The following ACTR3C variants were observed in gnomAD, a reference collection of about 807,000 sequenced individuals.
ACTR3C encodes the protein actin-related protein 3C.
A neutral mutation model predicts 26.3 loss-of-function variants in ACTR3C; 18 were observed. The observed-to-expected ratio is 0.68, with a 90% CI of 0.47 to 1.01. ACTR3C has a LOEUF of 1.01. ACTR3C is among the 50% of genes least tolerant of loss of function. The pLI is 0.00. For synonymous variants in ACTR3C, 55 were observed against 94.5 expected, an observed-to-expected ratio of 0.58 and a Z score of 2.42; for missense variants, 184 against 250.7, an observed-to-expected ratio of 0.73 and a Z score of 1.80.
the ACTR3C span, among the ~76,000 whole-genome samples, chr7:150,091,765 G>T: frequency 6.8e-6 from 1 of 147,188 alleles, no homozygotes; most frequent in South Asian, 2.2e-4. Flanking sequence ...GGCGGATCAC[G>T]AGGTCAGGAG....
the ACTR3C span, among the ~76,000 whole-genome samples, chr7:150,198,492 C>T: frequency 7.1e-6 from 1 of 140,644 alleles, no homozygotes; most frequent in Non-Finnish European, 1.5e-5. Flanking sequence ...GCCTCTGCCC[C>T]GCCGCCCCAT....
rs552420024 is a variant in ACTR3C at position 150,276,252 on chromosome 7, G to A, written c.564+8501C>T. On this transcript the variant is annotated intron_variant, in intron 6 of 7. Transcript: ENST00000683684. ...ATTTTCATTCCTGTAATACTAAGAGGCTCTCTTAACTCCATTTAACAGACA... is the reference window on the plus strand; with the variant it reads ...ATTTTCATTCCTGTAATACTAAGAGACTCTCTTAACTCCATTTAACAGACA... 8.1e-4 allele frequency among the ~76,000 whole-genome samples: 123 copies of A among 151,850 alleles called. 1 individual carries two copies. The highest frequency in any genetic ancestry group is 1.6e-3 in the Non-Finnish European group (109 of 68,010).
At position 150,300,119 on chromosome 7, in the gene ACTR3C, G is replaced by A. The variant is rs138454546; in HGVS notation, c.-51-4772C>T. Among the ~76,000 whole-genome samples, 544 of 152,282 alleles carry A rather than the reference G, an allele frequency of 3.6e-3. 1 individual carries two copies. The highest frequency in any genetic ancestry group is 0.012 in the African/African-American group (507 of 41,548). ...TATAATGCCAACACTTTAGGAGGCTGAGGTGGGCGGATCATGAGCTCAGGA... is the reference window on the plus strand; with the variant it reads ...TATAATGCCAACACTTTAGGAGGCTAAGGTGGGCGGATCATGAGCTCAGGA... On this transcript the variant is annotated intron_variant, in intron 1 of 7. Transcript: ENST00000683684.
chr7:150,130,097 A>G, the ACTR3C span, among the ~76,000 whole-genome samples: 1 of 152,246 alleles, frequency 6.6e-6, no homozygotes, highest in Non-Finnish European at 1.5e-5. Flanking sequence ...CCATTTCAAC[A>G]TAACATGAAC....
At chr7:150,110,699 AG>A in the ACTR3C span, among the ~76,000 whole-genome samples, 1 of 43,402 alleles carries the variant, frequency 2.3e-5, no homozygotes, top group Non-Finnish European at 4.3e-5. Context: ...TGGGGCTGGC[AG>A]GGGGCGGGAC....
At chr7:150,054,938 G>A in the ACTR3C span, among the ~76,000 whole-genome samples, 1 of 152,204 alleles carries the variant, frequency 6.6e-6, no homozygotes, top group Non-Finnish European at 1.5e-5. Context: ...TTATCCGACT[G>A]ATAATGCTTT....
chr7:149,986,078 A>G, the ACTR3C span, among the ~76,000 whole-genome samples: 1 of 151,396 alleles, frequency 6.6e-6, no homozygotes, highest in Non-Finnish European at 1.5e-5. Context: ...TAAAATAACA[A>G]CTTCTAGATC....
the ACTR3C span, among the ~76,000 whole-genome samples, chr7:149,956,237 T>C: frequency 1.3e-5 from 2 of 152,182 alleles, no homozygotes; most frequent in Non-Finnish European, 2.9e-5. Context: ...ACTAGCTCTA[T>C]AATAAGCTGA....
At chr7:150,208,634 C>T in the ACTR3C span, among the ~76,000 whole-genome samples, 3 of 152,092 alleles carry the variant, frequency 2.0e-5, no homozygotes, top group African/African-American at 7.2e-5. Flanking sequence ...TAAAGCTAGA[C>T]CTGAAGGAAT....
At chr7:150,162,476 C>T in the ACTR3C span, among the ~76,000 whole-genome samples, 1 of 152,132 alleles carries the variant, frequency 6.6e-6, no homozygotes, top group Admixed American at 6.5e-5. Flanking sequence ...CAGGCACCCA[C>T]CACTACGCCC....
the ACTR3C span, among the ~76,000 whole-genome samples, chr7:150,051,236 C>T: frequency 1.3e-5 from 2 of 151,986 alleles, no homozygotes; most frequent in South Asian, 2.1e-4. Flanking sequence ...TGTGGTCCCA[C>T]ATATAAAAGA....
At chr7:149,995,034 T>G in the ACTR3C span, among the ~76,000 whole-genome samples, 2 of 152,004 alleles carry the variant, frequency 1.3e-5, no homozygotes, top group African/African-American at 2.4e-5. Flanking sequence ...TTTGTATTTT[T>G]GGTAGAGATG....
At chr7:150,034,129 A>C in the ACTR3C span, among the ~76,000 whole-genome samples, 2 of 151,576 alleles carry the variant, frequency 1.3e-5, no homozygotes, top group South Asian at 2.1e-4. Flanking sequence ...GAGGGGATGG[A>C]TCTCAGCCAT....
the ACTR3C span, among the ~76,000 whole-genome samples, chr7:150,082,770 G>C: frequency 3.4e-4 from 45 of 133,544 alleles, no homozygotes; most frequent in South Asian, 2.1e-3. Flanking sequence ...GACTCTCTTT[G>C]TATTTACGAA....
Position 150,317,326 on chromosome 7 carries a change from T to G in ACTR3C, c.-52+6143A>C, listed in dbSNP as rs573378005. On this transcript the variant is annotated intron_variant, in intron 1 of 7. Coordinates refer to ENST00000683684, the MANE Select transcript of ACTR3C (RefSeq NM_001164458.2). Reference sequence around the variant, plus strand: ...TGGTGGCCTCCCAAAGTGCTGGGATTACAGGTGTAGGCCACTGCGCCCAGC... The same window carrying G: ...TGGTGGCCTCCCAAAGTGCTGGGATGACAGGTGTAGGCCACTGCGCCCAGC... Among the ~76,000 whole-genome samples, 4 of 152,340 alleles carry G rather than the reference T, an allele frequency of 2.6e-5. No homozygotes were observed. In the South Asian group the frequency reaches 8.3e-4, roughly 32 times the overall value.
chr7:150,131,561 C>G, the ACTR3C span, among the ~76,000 whole-genome samples: 1 of 152,116 alleles, frequency 6.6e-6, no homozygotes, highest in Non-Finnish European at 1.5e-5. Flanking sequence ...TGAATCTTAG[C>G]CAGGACAGGA....
chr7:150,221,998 C>CAAAAAAAAAAAAAAAAAAA, the ACTR3C span, among the ~76,000 whole-genome samples: 51 of 79,790 alleles, frequency 6.4e-4, no homozygotes, highest in African/African-American at 3.2e-3. Context: ...ACTCCGTCTC[C>CAAAAAAAAAAAAAAAAAAA]AAAAAAAAAA....
chr7:150,284,981 T>A, intron 5 of ACTR3C, 136 bp from the exon 6 acceptor site: 1 of 872,496 alleles, frequency 1.1e-6, no homozygotes, highest in South Asian at 2.1e-5. Flanking sequence ...ATGAAGGATA[T>A]GTCAAATGAA....
At chr7:149,957,770 T>A in the ACTR3C span, among the ~76,000 whole-genome samples, 1 of 151,526 alleles carries the variant, frequency 6.6e-6, no homozygotes, top group Non-Finnish European at 1.5e-5. Flanking sequence ...CTCTTATATA[T>A]CTGTATCTGT....
Sources: allele counts gnomAD v4.1 joint callset (sites outside exome capture counted in the v4.1 genomes callset), GRCh38; gene constraint gnomAD v4.1.1; transcripts MANE v1.5; gene names NCBI Gene and HGNC (gene_info 2026-07-23, HGNC 2026-07-21).